TRIM44: variants seen among roughly 807,000 people sequenced by gnomAD.
TRIM44 encodes the protein tripartite motif-containing protein 44.
Under a neutral mutation model 37.4 loss-of-function variants are expected in TRIM44, and 13 were observed. That is an observed-to-expected ratio of 0.35 (90% CI 0.23 to 0.55). The LOEUF is 0.55. Ranked by LOEUF, TRIM44 falls within the 20% of genes least tolerant of loss-of-function variation. TRIM44 has a pLI of 0.89. For missense variants in TRIM44, 426 were observed against 437.2 expected, an observed-to-expected ratio of 0.97 and a Z score of 0.23; for synonymous variants, 175 against 157.2, an observed-to-expected ratio of 1.11 and a Z score of -0.85.
At chr11:35,725,654 A>G (rs1852165370) in intron 2 of TRIM44, among the ~76,000 whole-genome samples, 1 of 152,068 alleles carries the variant, frequency 6.6e-6, no homozygotes, top group Non-Finnish European at 1.5e-5. Flanking sequence ...TACTGTATAT[A>G]TTCATCGTAT....
chr11:35,702,844 AT>A (rs1302627917), intron 2 of TRIM44, among the ~76,000 whole-genome samples: 13 of 152,330 alleles, frequency 8.5e-5, no homozygotes, highest in Admixed American at 2.6e-4. Context: ...AAGACGGGTG[AT>A]TTCTGCATTT....
intron 4 of TRIM44, among the ~76,000 whole-genome samples, chr11:35,749,723 T>G (rs1564997091): frequency 6.6e-6 from 1 of 152,216 alleles, no homozygotes; most frequent in Non-Finnish European, 1.5e-5. Flanking sequence ...TAATCACTAT[T>G]TAAAACTATG....
chr11:35,670,255 A>C (rs1009259581), intron 1 of TRIM44, among the ~76,000 whole-genome samples: 1 of 152,232 alleles, frequency 6.6e-6, no homozygotes, highest in Non-Finnish European at 1.5e-5. Context: ...TCTCAGATCA[A>C]GAACTGCTTC....
In TRIM44 at chr11:35,807,188, A is replaced by G. The variant is rs1338698625; in HGVS notation, c.*803A>G. 1 of 152,194 alleles carries G rather than the reference A, an allele frequency of 6.6e-6. No individual in the cohort carries two copies. Among genetic ancestry groups the G allele is most frequent in the African/African-American group, 2.4e-5 (1 of 41,458 alleles). 9.4% of individuals were successfully genotyped at this position (152,194 alleles called of 1,614,324 possible). A position where few individuals can be genotyped will look rare whatever the true frequency, so the allele number is the denominator to read the frequency against. On this transcript the variant is annotated 3_prime_UTR_variant, in exon 5 of 5. Coordinates refer to ENST00000299413, the MANE Select transcript of TRIM44 (RefSeq NM_017583.6). Reference sequence around the variant, plus strand: ...AATAGAACCAGAATTATTTGGGTGAATTCTGCAGGTTTTATGGGCTTGTCA... The same window carrying G: ...AATAGAACCAGAATTATTTGGGTGAGTTCTGCAGGTTTTATGGGCTTGTCA...
intron 4 of TRIM44, among the ~76,000 whole-genome samples, chr11:35,798,238 G>A (rs536609766): frequency 6.6e-6 from 1 of 152,284 alleles, no homozygotes; most frequent in East Asian, 1.9e-4. Context: ...TTTGTCTCAC[G>A]TGAGCAGAGG....
intron 1 of TRIM44, among the ~76,000 whole-genome samples, chr11:35,670,673 T>A (rs905359998): frequency 6.6e-6 from 1 of 152,236 alleles, no homozygotes; most frequent in African/African-American, 2.4e-5. Flanking sequence ...CTCTAGAATG[T>A]CAATTTGGTT....
intron 2 of TRIM44, chr11:35,724,471 T>G (rs1852144925): frequency 6.6e-6 from 1 of 152,252 alleles, no homozygotes; most frequent in Non-Finnish European, 1.5e-5. Context: ...GCTTTTCTTC[T>G]GCCTTTCTCC....
intron 2 of TRIM44, among the ~76,000 whole-genome samples, chr11:35,700,346 G>T (rs1015643380): frequency 4.6e-5 from 7 of 152,062 alleles, no homozygotes; most frequent in Non-Finnish European, 1.0e-4. Context: ...TCCACAACTT[G>T]TTCAAACCTT....
intron 1 of TRIM44, among the ~76,000 whole-genome samples, chr11:35,665,629 C>G (rs1424753520): frequency 9.3e-6 from 1 of 107,992 alleles, no homozygotes; most frequent in South Asian, 3.4e-4. Context: ...GAGTCTTGCT[C>G]TGTTGCCCAG....
chr11:35,717,109 T>C (rs759862249), intron 2 of TRIM44, among the ~76,000 whole-genome samples: 1 of 152,198 alleles, frequency 6.6e-6, no homozygotes, highest in African/African-American at 2.4e-5. Context: ...CAAGAGCAAC[T>C]GTGAGACTGA....
intron 4 of TRIM44, among the ~76,000 whole-genome samples, chr11:35,797,827 G>GA (rs1853313430): frequency 6.6e-6 from 1 of 152,196 alleles, no homozygotes; most frequent in Admixed American, 6.5e-5. Flanking sequence ...TCTGGAGCAG[G>GA]AAAGGGACTT....
At chr11:35,776,272 GGTA>G (rs1249548591) in intron 4 of TRIM44, among the ~76,000 whole-genome samples, 1 of 152,118 alleles carries the variant, frequency 6.6e-6, no homozygotes. Context: ...ATTCTCTGAT[GGTA>G]GTTTGTATTT....
chr11:35,807,776 T>C lies in TRIM44; in HGVS notation c.*1391T>C, dbSNP rs557731691. 2.6e-5 allele frequency: 4 copies of C among 152,324 alleles called. No individual in the cohort carries two copies. The highest frequency in any genetic ancestry group is 9.6e-5 in the African/African-American group (4 of 41,578). 9.4% of individuals were successfully genotyped at this position (152,324 alleles called of 1,614,324 possible). A position where few individuals can be genotyped will look rare whatever the true frequency, so the allele number is the denominator to read the frequency against. ...GTAATTCTTATTTGCAAGTGGGTTATGTGTTCACTCTCCTCTACCTTTATG... is the reference window on the plus strand; with the variant it reads ...GTAATTCTTATTTGCAAGTGGGTTACGTGTTCACTCTCCTCTACCTTTATG... On this transcript the variant is annotated 3_prime_UTR_variant, in exon 5 of 5. Coordinates refer to ENST00000299413, the MANE Select transcript of TRIM44 (RefSeq NM_017583.6).
At chr11:35,677,317 A>G (rs1450032976) in intron 1 of TRIM44, among the ~76,000 whole-genome samples, 2 of 152,046 alleles carry the variant, frequency 1.3e-5, no homozygotes, top group African/African-American at 2.4e-5. Context: ...ATATGAAGGC[A>G]TTTAATAGAT....
intron 2 of TRIM44, among the ~76,000 whole-genome samples, chr11:35,701,045 T>G (rs1275376945): frequency 6.6e-6 from 1 of 152,268 alleles, no homozygotes; most frequent in African/African-American, 2.4e-5. Context: ...TTACTGGGTT[T>G]AGGGTGGAGT....
At chr11:35,749,822 C>T (rs1321879301) in intron 4 of TRIM44, among the ~76,000 whole-genome samples, 1 of 152,182 alleles carries the variant, frequency 6.6e-6, no homozygotes, top group Admixed American at 6.5e-5. Flanking sequence ...AATTTGGGAG[C>T]TTGACTGACA....
intron 2 of TRIM44, among the ~76,000 whole-genome samples, chr11:35,725,319 G>A (rs578188740): frequency 1.1e-4 from 16 of 152,064 alleles, no homozygotes; most frequent in African/African-American, 3.1e-4. Context: ...TAATTGGGGC[G>A]GAGAGGAAGA....
intron 2 of TRIM44, among the ~76,000 whole-genome samples, chr11:35,725,066 T>TCACACACACACA (rs59413888): frequency 4.3e-5 from 6 of 141,072 alleles, no homozygotes; most frequent in South Asian, 2.3e-4. Flanking sequence ...ATGCACACAC[T>TCACACACACACA]CACACACACA....
intron 4 of TRIM44, among the ~76,000 whole-genome samples, chr11:35,744,963 T>C (rs1465959122): frequency 6.6e-6 from 1 of 152,228 alleles, no homozygotes; most frequent in African/African-American, 2.4e-5. Flanking sequence ...CTTTATCCAG[T>C]CTATCAGTGA....
Sources: gnomAD v4.1 joint callset for allele counts (sites outside exome capture counted in the v4.1 genomes callset) on GRCh38, gnomAD v4.1.1 for gene constraint, MANE v1.5 for transcripts, NCBI Gene and HGNC (gene_info 2026-07-23, HGNC 2026-07-21) for gene names.